KMT2E: variants seen among roughly 807,000 people sequenced by gnomAD.
KMT2E encodes histone reader KMT2E.
A neutral mutation model predicts 184.6 loss-of-function variants in KMT2E; 30 were observed. The observed-to-expected ratio is 0.16, with a 90% CI of 0.12 to 0.22. The LOEUF (loss-of-function observed/expected upper bound fraction) is 0.22, where lower values mean the gene tolerates loss of function less well. KMT2E is among the 10% of genes least tolerant of loss of function. The probability of loss-of-function intolerance (pLI) is 1.00; values close to 1 mark genes in which losing one functional copy is unlikely to be tolerated. For synonymous variants in KMT2E, 815 were observed against 776.5 expected (o/e 1.05, Z -0.82); for missense variants, 2,023 against 2,237.4 (o/e 0.90, Z 1.93).
At chr7:105,106,902 T>C (rs1798922576) in intron 20 of KMT2E, 130 bp downstream of exon 20, 1 of 909,468 alleles carries the variant, frequency 1.1e-6, no homozygotes, top group South Asian at 1.8e-5. Context: ...AAACTAAAAA[T>C]CAGAAAAATT....
chr7:105,111,792 C>CT, intron 26 of KMT2E, 33 bp from the exon 27 acceptor site: 2 of 1,569,418 alleles, frequency 1.3e-6, no homozygotes, highest in Non-Finnish European at 1.7e-6. Flanking sequence ...CAAAATGTTC[C>CT]TTGAATGTAT....
chr7:105,062,585 ATT>A (rs1796863968), intron 4 of KMT2E, among the ~76,000 whole-genome samples: 1 of 151,966 alleles, frequency 6.6e-6, no homozygotes, highest in South Asian at 2.1e-4. Flanking sequence ...ATAGTAATTA[ATT>A]TTGTTTTAAT....
chr7:105,103,055 T>C (rs543323234), intron 17 of KMT2E: 13 of 152,294 alleles, frequency 8.5e-5, no homozygotes, highest in African/African-American at 2.9e-4. Flanking sequence ...GTCTGTACTC[T>C]CCTTACTGCA....
In KMT2E at chr7:105,049,795, G is replaced by A. The variant is rs73421749; in HGVS notation, c.71+8772G>A. 3.6e-3 allele frequency among the ~76,000 whole-genome samples: 552 copies of A among 152,188 alleles called. 4 individuals carry two copies. The highest frequency in any genetic ancestry group is 0.013 in the African/African-American group (530 of 41,512). On this transcript the variant is annotated intron_variant, in intron 3 of 26. Coordinates refer to ENST00000311117, the MANE Select transcript of KMT2E (RefSeq NM_182931.3). ...TAATCCCAGCTACTCGGAGGCACACGCAGGAGAATTGCTTGAACTCGGGAG... is the reference window on the plus strand; with the variant it reads ...TAATCCCAGCTACTCGGAGGCACACACAGGAGAATTGCTTGAACTCGGGAG...
At position 105,110,549 on chromosome 7, in the gene KMT2E, T is replaced by C. The variant is rs1462277837; in HGVS notation, c.3917T>C (p.Ile1306Thr). ...TCACCTTCATCTCATTCAAATCACA[T>C]ACCCCAGTTGCAAGCTAAGGGCCCA... ...QSSPSSHSNH[I>T]PQLQAKGPVP... is the part of the protein sequence containing the mutation. The change falls in exon 25 of 27, where the codon ATA (isoleucine) becomes ACA (threonine). Residue 1306 changes from isoleucine (I) to threonine (T), a missense_variant. By Grantham distance (89) the Ile-to-Thr change is moderately conservative. Transcript: ENST00000311117. 2.5e-6 allele frequency: 4 copies of C among 1,613,984 alleles called. No homozygotes were observed. Among genetic ancestry groups the C allele is most frequent in the Admixed American group, 3.3e-5 (2 of 60,006 alleles).
Position 105,112,549 on chromosome 7 carries a change from C to G in KMT2E, c.4793C>G (p.Thr1598Arg). ...CTTCCTGGCACCACAAGCCAGCAAA[C>G]AGTTCCAGGACACCACGTGACTCCA... ...QALPGTTSQQ[T>R]VPGHHVTPGH... Residue 1598 changes from threonine to arginine, a missense_variant, in exon 27 of 27, where the codon ACA becomes AGA. Coordinates refer to ENST00000311117, the MANE Select transcript of KMT2E (RefSeq NM_182931.3). 1 of 1,614,108 alleles carries G rather than the reference C, an allele frequency of 6.2e-7. No individual in the cohort carries two copies. Among genetic ancestry groups the G allele is most frequent in the Non-Finnish European group, 8.5e-7 (1 of 1,180,016 alleles).
chr7:105,085,641 A>G (rs980502591), intron 13 of KMT2E, among the ~76,000 whole-genome samples: 1 of 152,190 alleles, frequency 6.6e-6, no homozygotes, highest in Admixed American at 6.5e-5. Context: ...TTTAGCAGCC[A>G]CATTGCATCT....
intron 13 of KMT2E, among the ~76,000 whole-genome samples, chr7:105,086,278 T>C (rs1175056359): frequency 6.6e-6 from 1 of 152,210 alleles, no homozygotes; most frequent in African/African-American, 2.4e-5. Flanking sequence ...AGTATGTACA[T>C]GTTCTCTCCA....
chr7:105,060,090 G>A (rs1482974870), intron 3 of KMT2E, among the ~76,000 whole-genome samples: 7 of 136,804 alleles, frequency 5.1e-5, no homozygotes, highest in African/African-American at 1.9e-4. Flanking sequence ...CTGCCACCTG[G>A]GTTCAAGTGA....
intron 13 of KMT2E, among the ~76,000 whole-genome samples, chr7:105,085,615 T>C (rs1797931924): frequency 6.6e-6 from 1 of 152,170 alleles, no homozygotes; most frequent in African/African-American, 2.4e-5. Flanking sequence ...ACATTATCCA[T>C]TGAAGCCCCT....
intron 1 of KMT2E, among the ~76,000 whole-genome samples, chr7:105,017,434 G>GT (rs11432195): frequency 0.21 from 24,493 of 115,830 alleles, 2,609 homozygotes; most frequent in East Asian, 0.32. Flanking sequence ...TTTGTTTTTT[G>GT]TTTTTTTTTT....
intron 15 of KMT2E, 137 bp downstream of exon 15, chr7:105,091,451 G>A (rs1798202387): frequency 3.0e-6 from 2 of 666,710 alleles, no homozygotes; most frequent in Non-Finnish European, 5.5e-6. Flanking sequence ...TATTTGGTTT[G>A]GTCATTGCCA....
chr7:105,094,404 T>C (rs1798323858), intron 15 of KMT2E, among the ~76,000 whole-genome samples: 1 of 152,186 alleles, frequency 6.6e-6, no homozygotes, highest in Admixed American at 6.5e-5. Context: ...GAGATACAGG[T>C]TGAGTATTAC....
chr7:105,031,201 A>G (rs762331482), intron 1 of KMT2E, among the ~76,000 whole-genome samples: 3 of 151,518 alleles, frequency 2.0e-5, no homozygotes, highest in South Asian at 2.1e-4. Context: ...TACTAAAAAC[A>G]TAAAAAATTA....
chr7:105,113,313 C>T lies in KMT2E; in HGVS notation c.5557C>T (p.His1853Tyr). 1 of 1,612,572 alleles carries T rather than the reference C, an allele frequency of 6.2e-7. No individual in the cohort carries two copies. Among genetic ancestry groups the T allele is most frequent in the South Asian group, 1.1e-5 (1 of 91,050 alleles). ...GCCACCAACATTTCAAAACAATTACCATGGGTCAGGGTGGCATTAAAATGG... is the reference window on the plus strand; with the variant it reads ...GCCACCAACATTTCAAAACAATTACTATGGGTCAGGGTGGCATTAAAATGG... ...QVPPTFQNNY[H>Y]GSGWH The change falls in exon 27 of 27, where the codon CAT (histidine) becomes TAT (tyrosine). Residue 1853 changes from histidine (H) to tyrosine (Y), a missense_variant. This residue lies in a region of KMT2E where 1,108 missense variants were observed against 1,050.9 expected (regional missense o/e 1.05). Coordinates refer to ENST00000311117, the MANE Select transcript of KMT2E (RefSeq NM_182931.3).
chr7:105,084,628 A>AG (rs1199181042), intron 13 of KMT2E, among the ~76,000 whole-genome samples: 1 of 132,166 alleles, frequency 7.6e-6, no homozygotes, highest in Non-Finnish European at 1.7e-5. Flanking sequence ...CTCTGTCTCA[A>AG]GAAAAAAAAA....
At chr7:105,083,616 C>A (rs1406293678) in intron 13 of KMT2E, among the ~76,000 whole-genome samples, 2 of 152,188 alleles carry the variant, frequency 1.3e-5, no homozygotes, top group African/African-American at 2.4e-5. Context: ...TGATCATAAA[C>A]CCAAATGCAT....
In KMT2E at chr7:105,027,833, C is replaced by A. The variant is rs184845625; in HGVS notation, c.-188-10293C>A. On this transcript the variant is annotated intron_variant, in intron 1 of 26. Transcript: ENST00000311117. Reference sequence around the variant, plus strand: ...ATTTATAATTAATTTTGGTCCCTTGCTGATTTTATGGGTTTGGTAAGTACT... The same window carrying A: ...ATTTATAATTAATTTTGGTCCCTTGATGATTTTATGGGTTTGGTAAGTACT... 6.6e-5 allele frequency among the ~76,000 whole-genome samples: 10 copies of A among 152,100 alleles called. No homozygotes were observed. In the East Asian group the frequency reaches 1.9e-3, roughly 29 times the overall value.
At chr7:105,058,088 TAG>T (rs1796646658) in intron 3 of KMT2E, among the ~76,000 whole-genome samples, 1 of 152,232 alleles carries the variant, frequency 6.6e-6, no homozygotes, top group South Asian at 2.1e-4. Context: ...ATTCAGCCTA[TAG>T]AAGTTTTAAC....
Sources: allele counts gnomAD v4.1 joint callset (sites outside exome capture counted in the v4.1 genomes callset), GRCh38; gene constraint gnomAD v4.1.1; regional missense constraint gnomAD v4.1.1; transcripts MANE v1.5; gene names NCBI Gene and HGNC (gene_info 2026-07-23, HGNC 2026-07-21).